Variants in GPATCH2 observed in about 807,000 individuals in gnomAD.
GPATCH2 encodes the protein G-patch domain containing 2, also known as G patch domain-containing protein 2.
A neutral mutation model predicts 58.0 loss-of-function variants in GPATCH2; 51 were observed. The ratio of observed to expected loss-of-function variants is 0.88; its 90% CI spans 0.70 to 1.11. The LOEUF is 1.11. GPATCH2 is among the 50% of genes most tolerant of loss of function. The pLI, the probability that GPATCH2 is intolerant of heterozygous loss-of-function variation, is 0.00. For synonymous variants in GPATCH2, 222 were observed against 218.5 expected, an observed-to-expected ratio of 1.02 and a Z score of -0.14; for missense variants, 625 against 652.2, an observed-to-expected ratio of 0.96 and a Z score of 0.45.
At chr1:217,610,225 A>G (rs1186907811) in intron 5 of GPATCH2, 96 bp downstream of exon 5, 22 of 1,546,710 alleles carry the variant, frequency 1.4e-5, no homozygotes, top group Non-Finnish European at 1.9e-5. Flanking sequence ...TAAGTTTAAC[A>G]TTAGAATATG....
At chr1:217,630,774 C>T (rs1027709560) in intron 1 of GPATCH2, 142 bp downstream of exon 1, 5 of 619,520 alleles carry the variant, frequency 8.1e-6, no homozygotes, top group Non-Finnish European at 1.4e-5. Context: ...GCGTGCATCC[C>T]AGGAATGAGT....
rs979557365 is a variant in GPATCH2, at chr1:217,430,478, A to T, written c.*667T>A. ...AATTTATAAAATCTGCATTAAAGTA[A>T]GGTAGAGGGCACTCTGGTGATAACA... On this transcript the variant is annotated 3_prime_UTR_variant, in exon 10 of 10. Coordinates refer to ENST00000366935, the MANE Select transcript of GPATCH2 (RefSeq NM_018040.5). 37 of 152,346 alleles carry T rather than the reference A, an allele frequency of 2.4e-4. No homozygotes were observed. The highest frequency in any genetic ancestry group is 8.7e-4 in the African/African-American group (36 of 41,590). 9.4% of individuals were successfully genotyped at this position (152,346 alleles called of 1,614,324 possible). A position where few individuals can be genotyped will look rare whatever the true frequency, so the allele number is the denominator to read the frequency against.
intron 5 of GPATCH2, among the ~76,000 whole-genome samples, chr1:217,532,230 C>T (rs1402722940): frequency 1.3e-5 from 2 of 152,102 alleles, no homozygotes; most frequent in South Asian, 2.1e-4. Flanking sequence ...TTTCAACAAA[C>T]GATGATTGAG....
chr1:217,589,206 A>G (rs1479467376), intron 5 of GPATCH2, among the ~76,000 whole-genome samples: 1 of 152,050 alleles, frequency 6.6e-6, no homozygotes, highest in Non-Finnish European at 1.5e-5. Flanking sequence ...AGAGGACCTG[A>G]CTGCTATAAT....
At chr1:217,438,388 T>C (rs142340808) in intron 9 of GPATCH2, among the ~76,000 whole-genome samples, 195 of 152,182 alleles carry the variant, frequency 1.3e-3, no homozygotes, top group African/African-American at 4.1e-3. Context: ...GTTTGAGGAA[T>C]TGACAGAAGT....
At chr1:217,529,161 G>A (rs914641641) in intron 5 of GPATCH2, among the ~76,000 whole-genome samples, 2 of 152,158 alleles carry the variant, frequency 1.3e-5, no homozygotes, top group Admixed American at 6.5e-5. Context: ...GCAAGAACAA[G>A]CATTTGTTAA....
chr1:217,600,472 A>G (rs1239082171), intron 5 of GPATCH2, among the ~76,000 whole-genome samples: 1 of 152,164 alleles, frequency 6.6e-6, no homozygotes, highest in East Asian at 1.9e-4. Flanking sequence ...GTTAAATATT[A>G]TTTGGAAGTG....
intron 5 of GPATCH2, among the ~76,000 whole-genome samples, chr1:217,568,106 G>C (rs1427950282): frequency 3.3e-5 from 5 of 152,080 alleles, no homozygotes; most frequent in Non-Finnish European, 7.4e-5. Flanking sequence ...GATAGAGCAA[G>C]ACTCCGTCTC....
chr1:217,464,610 A>G (rs1660356905), intron 8 of GPATCH2, among the ~76,000 whole-genome samples: 1 of 152,246 alleles, frequency 6.6e-6, no homozygotes, highest in African/African-American at 2.4e-5. Flanking sequence ...CCAAGGAAAA[A>G]CAGTGGAAGT....
chr1:217,621,116 A>T (rs1669168269), intron 1 of GPATCH2, among the ~76,000 whole-genome samples: 1 of 152,218 alleles, frequency 6.6e-6, no homozygotes, highest in Non-Finnish European at 1.5e-5. Flanking sequence ...ACTGGTTTCA[A>T]AGGGCCCATC....
At chr1:217,611,815 G>A (rs576130588) in intron 3 of GPATCH2, among the ~76,000 whole-genome samples, 33 of 152,172 alleles carry the variant, frequency 2.2e-4, no homozygotes, top group African/African-American at 7.5e-4. Context: ...TTAAATAATC[G>A]AGATGTTTTT....
At chr1:217,538,098 A>C (rs1280810784) in intron 5 of GPATCH2, among the ~76,000 whole-genome samples, 1 of 152,208 alleles carries the variant, frequency 6.6e-6, no homozygotes, top group East Asian at 1.9e-4. Context: ...GTATCAACTA[A>C]AAAATCTACA....
At chr1:217,542,746 A>G (rs1374361721) in intron 5 of GPATCH2, among the ~76,000 whole-genome samples, 1 of 152,216 alleles carries the variant, frequency 6.6e-6, no homozygotes, top group Non-Finnish European at 1.5e-5. Flanking sequence ...AAAACCCAAA[A>G]CGTCTTAAGA....
intron 5 of GPATCH2, among the ~76,000 whole-genome samples, chr1:217,593,767 T>C (rs11117891): frequency 0.66 from 99,598 of 151,878 alleles, 33,177 homozygotes; most frequent in East Asian, 0.76. Flanking sequence ...TATATGGTAT[T>C]GTAAAAACCA....
intron 8 of GPATCH2, among the ~76,000 whole-genome samples, chr1:217,484,621 A>T (rs770318866): frequency 2.7e-5 from 4 of 148,926 alleles, no homozygotes; most frequent in Non-Finnish European, 5.9e-5. Flanking sequence ...ACACATACAC[A>T]TGCATATGCA....
At chr1:217,561,009 G>A (rs1294354348) in intron 5 of GPATCH2, among the ~76,000 whole-genome samples, 4 of 152,152 alleles carry the variant, frequency 2.6e-5, no homozygotes, top group Non-Finnish European at 5.9e-5. Flanking sequence ...GAAAAGGTAA[G>A]GGAATACTCA....
At chr1:217,434,551 A>T (rs1478880879) in intron 9 of GPATCH2, among the ~76,000 whole-genome samples, 1 of 152,176 alleles carries the variant, frequency 6.6e-6, no homozygotes, top group East Asian at 1.9e-4. Flanking sequence ...TTCTACCCTA[A>T]GCTAAAGTCA....
At chr1:217,617,763 A>AT (rs1668966043) in intron 2 of GPATCH2, among the ~76,000 whole-genome samples, 1 of 152,166 alleles carries the variant, frequency 6.6e-6, no homozygotes, top group African/African-American at 2.4e-5. Flanking sequence ...GAGAAAATAT[A>AT]TTTTTTAACA....
At chr1:217,609,420 A>C in intron 5 of GPATCH2, 1 of 984,382 alleles carries the variant, frequency 1.0e-6, no homozygotes, top group Non-Finnish European at 1.2e-6. Flanking sequence ...CAGGTATCAG[A>C]CAAAGCAGAT....
Sources: allele counts gnomAD v4.1 joint callset (sites outside exome capture counted in the v4.1 genomes callset), GRCh38; gene constraint gnomAD v4.1.1; transcripts MANE v1.5; gene names NCBI Gene and HGNC (gene_info 2026-07-23, HGNC 2026-07-21).